The following NBPF15 variants were observed in gnomAD, a reference collection of about 807,000 sequenced individuals.
NBPF15 encodes NBPF family member NBPF15.
NBPF15 carries 74 observed loss-of-function variants against 62.2 expected under a neutral mutation model. The ratio of observed to expected loss-of-function variants is 1.19; its 90% confidence interval spans 0.99 to 1.44. The LOEUF (loss-of-function observed/expected upper bound fraction) is 1.44. Among genes scored for constraint, NBPF15 ranks in the 40% most tolerant of loss-of-function variants. The pLI, the probability that NBPF15 is intolerant of heterozygous loss-of-function variation, is 0.00. For synonymous variants in NBPF15, 244 were observed against 209.7 expected, an observed-to-expected ratio of 1.16 and a Z score of -1.41; for missense variants, 790 against 550.0, an observed-to-expected ratio of 1.44 and a Z score of -4.36.
At chr1:144,445,244 G>C (rs1478428646) in intron 6 of NBPF15, among the ~76,000 whole-genome samples, 1 of 131,336 alleles carries the variant, frequency 7.6e-6, no homozygotes, top group African/African-American at 2.9e-5. Context: ...GTATGTGTGT[G>C]TGTGTGTTTG....
rs200949130 is a variant in NBPF15 at position 144,423,188 on chromosome 1, G to C, written c.1838C>G (p.Ser613Trp). ...TTGTTCAAAGTACATTGACGGAGTC[G>C]AATAACATCTATCCAGTGAGTCCTG... ...VLQDSLDRCYSTPSMYFEQPD... is the reference protein window; with the variant it reads ...VLQDSLDRCYWTPSMYFEQPD... Residue 613 changes from serine (S) to tryptophan (W), a missense_variant, in exon 22 of 22, where the codon TCG becomes TGG. Transcript: ENST00000581897. The C allele has an allele frequency of 2.5e-6, 4 of 1,611,460 alleles. No homozygotes were observed. The highest frequency in any genetic ancestry group is 3.4e-6 in the Non-Finnish European group (4 of 1,179,602).
chr1:144,457,692 CA>C (rs1459778650), intron 3 of NBPF15, among the ~76,000 whole-genome samples: 2 of 151,866 alleles, frequency 1.3e-5, no homozygotes, highest in Non-Finnish European at 2.9e-5. Context: ...TGAGATTGAA[CA>C]CATACAAAAT....
chr1:144,445,090 C>T (rs1686309782), intron 6 of NBPF15, among the ~76,000 whole-genome samples: 1 of 151,332 alleles, frequency 6.6e-6, no homozygotes, highest in African/African-American at 2.4e-5. Flanking sequence ...CATTGTTGCA[C>T]TGATTGATCT....
chr1:144,422,875 T>A lies in NBPF15; in HGVS notation c.*138A>T. The A allele has an allele frequency of 3.2e-6, 5 of 1,585,942 alleles. No homozygotes were observed. Among genetic ancestry groups the A allele is most frequent in the Non-Finnish European group, 4.3e-6 (5 of 1,167,584 alleles). On this transcript the variant is annotated 3_prime_UTR_variant, in exon 22 of 22. Transcript: ENST00000581897. The stretch of plus-strand genomic sequence containing the variant: ...AGCACAGGTTGCCAATGGCATGGTT[T>A]GAGAATAGGAATAGAGCCATGCTCA...
intron 6 of NBPF15, among the ~76,000 whole-genome samples, chr1:144,446,022 A>T (rs1218566933): frequency 2.0e-5 from 3 of 148,546 alleles, no homozygotes; most frequent in Admixed American, 6.7e-5. Flanking sequence ...TGCCTAGCTA[A>T]TTTTTTGTAT....
intron 4 of NBPF15, among the ~76,000 whole-genome samples, chr1:144,452,121 G>A (rs1466044600): frequency 2.6e-5 from 4 of 151,476 alleles, no homozygotes; most frequent in African/African-American, 4.9e-5. Context: ...CGTTGCATTC[G>A]AGCCCAAGGA....
chr1:144,440,111 G>C (rs1222452098), intron 7 of NBPF15, 30 bp downstream of exon 7: 23 of 1,579,888 alleles, frequency 1.5e-5, no homozygotes, highest in South Asian at 1.4e-4. Context: ...CAGGACTGAG[G>C]GATGTAAGTA....
intron 2 of NBPF15, among the ~76,000 whole-genome samples, chr1:144,459,973 T>C (rs1571174427): frequency 6.7e-6 from 1 of 150,120 alleles, no homozygotes; most frequent in Non-Finnish European, 1.5e-5. Context: ...AGTCTAGTAA[T>C]GTTCTATTTC....
At chr1:144,426,712 G>T (rs1197665609) in intron 17 of NBPF15, among the ~76,000 whole-genome samples, 1 of 151,680 alleles carries the variant, frequency 6.6e-6, no homozygotes, top group Non-Finnish European at 1.5e-5. Context: ...TGATGAAGGG[G>T]TCAAAGGACA....
intron 15 of NBPF15, among the ~76,000 whole-genome samples, chr1:144,428,256 A>T (rs1157860935): frequency 5.4e-4 from 82 of 150,824 alleles, no homozygotes; most frequent in African/African-American, 1.8e-3. Flanking sequence ...CTGATGAGGG[A>T]ATCAAAGGAC....
At chr1:144,437,496 T>C (rs1203583584) in intron 9 of NBPF15, among the ~76,000 whole-genome samples, 2 of 146,258 alleles carry the variant, frequency 1.4e-5, no homozygotes, top group Admixed American at 6.9e-5. Context: ...TGAGGCCAGG[T>C]GCAGATGGGG....
At chr1:144,443,230 T>C (rs1684878247) in intron 6 of NBPF15, among the ~76,000 whole-genome samples, 1 of 151,864 alleles carries the variant, frequency 6.6e-6, no homozygotes, top group Non-Finnish European at 1.5e-5. Context: ...TTTTTATGAA[T>C]AAAAAAGATT....
chr1:144,459,143 A>G (rs1650472675), intron 3 of NBPF15, among the ~76,000 whole-genome samples: 1 of 152,040 alleles, frequency 6.6e-6, no homozygotes, highest in Admixed American at 6.6e-5. Context: ...TAAACAGGAC[A>G]CAAAAAGCAC....
intron 12 of NBPF15, among the ~76,000 whole-genome samples, chr1:144,434,848 C>T (rs782188348): frequency 2.0e-5 from 3 of 151,940 alleles, no homozygotes; most frequent in Non-Finnish European, 4.4e-5. Context: ...AGCTAGGAGG[C>T]CTGACAGATA....
intron 15 of NBPF15, among the ~76,000 whole-genome samples, chr1:144,428,384 T>G (rs1444449609): frequency 6.6e-6 from 1 of 152,000 alleles, no homozygotes; most frequent in Admixed American, 6.6e-5. Flanking sequence ...AATACAGCTT[T>G]TGAGGTATGG....
At chr1:144,440,952 G>A (rs1407646757) in intron 6 of NBPF15, among the ~76,000 whole-genome samples, 3 of 151,782 alleles carry the variant, frequency 2.0e-5, no homozygotes, top group Non-Finnish European at 2.9e-5. Flanking sequence ...ACAGGCATGA[G>A]CCACCGCACC....
rs1679919146 is a variant in NBPF15, at chr1:144,438,036, A to T, written c.187T>A (p.Cys63Ser). The T allele has an allele frequency of 1.2e-6, 2 of 1,611,112 alleles. No individual in the cohort carries two copies. Among genetic ancestry groups the T allele is most frequent in the African/African-American group, 1.3e-5 (1 of 74,698 alleles). ...AGCATAAATTTTATGAGATCTTTGC[A>T]CTCTTCATATTCTGAGAAAAGACAG... ...NRQKKYKYEE[C>S]KDLIKFMLRN... The change falls in exon 9 of 22, where the codon TGC (cysteine) becomes AGC (serine). Residue 63 changes from cysteine to serine, a missense_variant. Cys to Ser is a moderately radical substitution (Grantham distance 112, BLOSUM62 -1). Transcript: ENST00000581897.
chr1:144,457,604 C>A (rs1190158045), intron 3 of NBPF15, among the ~76,000 whole-genome samples: 1 of 151,692 alleles, frequency 6.6e-6, no homozygotes, highest in Admixed American at 6.6e-5. Flanking sequence ...CTGTTTCATG[C>A]CAGGCAAGGT....
At chr1:144,459,969 G>A (rs1207170670) in intron 2 of NBPF15, among the ~76,000 whole-genome samples, 1 of 132,470 alleles carries the variant, frequency 7.5e-6, no homozygotes, top group Non-Finnish European at 1.6e-5. Flanking sequence ...CCCCAGTCTA[G>A]TAATGTTCTA....
Sources: gnomAD v4.1 joint callset for allele counts (sites outside exome capture counted in the v4.1 genomes callset) on GRCh38, gnomAD v4.1.1 for gene constraint, MANE v1.5 for transcripts, NCBI Gene and HGNC (gene_info 2026-07-23, HGNC 2026-07-21) for gene names.